Variants in SCIMP observed in about 807,000 individuals in gnomAD.
SCIMP encodes the protein SLP adaptor and CSK interacting membrane protein, also known as SLP adapter and CSK-interacting membrane protein.
A neutral mutation model predicts 22.0 loss-of-function variants in SCIMP; 18 were observed. The observed-to-expected ratio is 0.82, with a 90% CI of 0.56 to 1.21. SCIMP has a LOEUF of 1.21. Among genes scored for constraint, SCIMP ranks in the 50% most tolerant of loss-of-function variants. The pLI is 0.00. For synonymous variants in SCIMP, 53 were observed against 62.2 expected (o/e 0.85, Z 0.70); for missense variants, 155 against 171.2 (o/e 0.91, Z 0.53).
At chr17:5,220,428 T>G in intron 3 of SCIMP, among the ~76,000 whole-genome samples, 1 of 101,572 alleles carries the variant, frequency 9.8e-6, no homozygotes, top group East Asian at 3.3e-4. Flanking sequence ...CAAGACCCCA[T>G]CTCCAAAAAA....
rs2074534053 is a variant in SCIMP at position 5,212,626 on chromosome 17, T to G, written c.284-1671A>C. 5.9e-5 allele frequency among the ~76,000 whole-genome samples: 9 copies of G among 151,926 alleles called. No homozygotes were observed. The South Asian group carries it at 1.7e-3, about 28-fold the overall frequency. ...TCCAGCCTGGGCGACAGACCGAGAC[T>G]CCATCTCAAAAAACAAACAAACAAA... On this transcript the variant is annotated intron_variant, in intron 4 of 4. Coordinates refer to ENST00000574081, the MANE Select transcript of SCIMP (RefSeq NM_207103.3).
rs1260033595 is a variant in SCIMP at position 5,214,771 on chromosome 17, C to T, written c.283+154G>A. 9 of 534,842 alleles carry T rather than the reference C, an allele frequency of 1.7e-5. No individual in the cohort carries two copies. The Admixed American group carries it at 2.2e-4, about 13-fold the overall frequency. 33.1% of individuals were successfully genotyped at this position (534,842 alleles called of 1,614,324 possible). A position where few individuals can be genotyped will look rare whatever the true frequency, so the allele number is the denominator to read the frequency against. ...AGGAGAATGGCATGAACCCGGGAGG[C>T]GGAGCTTGCAGTGAGCCGAGATCGT... is the stretch of plus-strand genomic sequence containing the variant. On this transcript the variant is annotated intron_variant, in intron 4 of 4. Coordinates refer to ENST00000574081, the MANE Select transcript of SCIMP (RefSeq NM_207103.3).
intron 3 of SCIMP, among the ~76,000 whole-genome samples, chr17:5,218,576 G>A (rs530701534): frequency 1.3e-5 from 2 of 152,232 alleles, no homozygotes; most frequent in South Asian, 2.1e-4. Flanking sequence ...CTGACCTCAG[G>A]TGATCTGCCT....
In SCIMP at chr17:5,213,304, T is replaced by G. The variant is rs1191348651; in HGVS notation, c.283+1621A>C. 12 of 947,766 alleles carry G rather than the reference T, an allele frequency of 1.3e-5. No homozygotes were observed. In the African/African-American group the frequency reaches 2.1e-4, roughly 16 times the overall value. The allele number at this position is 947,766 out of a possible 1,614,324, so 58.7% of individuals were successfully genotyped here. A position where few individuals can be genotyped will look rare whatever the true frequency, so the allele number is the denominator to read the frequency against. On this transcript the variant is annotated intron_variant, in intron 4 of 4. Transcript: ENST00000574081. ...ACAGGGTCTCACTCTGTCGTCCAGG[T>G]GCAGTGATGCTATCGTGGCTCACTG...
rs866332747 is a variant in SCIMP at position 5,221,421 on chromosome 17, A to G, written c.146-71T>C. The G allele has an allele frequency of 2.7e-6, 3 of 1,129,750 alleles. No individual in the cohort carries two copies. In the Middle Eastern group the frequency reaches 5.9e-4, roughly 221 times the overall value. 70.0% of individuals were successfully genotyped at this position (1,129,750 alleles called of 1,614,324 possible). On this transcript the variant is annotated intron_variant, in intron 2 of 4. Coordinates refer to ENST00000574081, the MANE Select transcript of SCIMP (RefSeq NM_207103.3). ...TGTGATTTTTTAATTTAACCCAGAG[A>G]AAACACACTTAGGGACACAGTTAAT...
chr17:5,231,595 C>T (rs1410722437), intron 1 of SCIMP, among the ~76,000 whole-genome samples: 1 of 152,084 alleles, frequency 6.6e-6, no homozygotes, highest in Non-Finnish European at 1.5e-5. Context: ...GCACAGATTG[C>T]CGATGTCCTA....
intron 1 of SCIMP, among the ~76,000 whole-genome samples, chr17:5,232,446 T>TGCAGTATAAACAGTGCAGTGTAAACAG (rs1567845231): frequency 6.6e-6 from 1 of 151,650 alleles, no homozygotes; most frequent in African/African-American, 2.4e-5. Context: ...GTGTAAACAG[T>TGCAGTATAAACAGTGCAGTGTAAACAG]TTTACCCACA....
chr17:5,226,593 C>T (rs908451293), intron 1 of SCIMP, among the ~76,000 whole-genome samples: 7 of 150,854 alleles, frequency 4.6e-5, no homozygotes, highest in Non-Finnish European at 8.8e-5. Context: ...GCACCCTCCA[C>T]CTCTCCAGTT....
At chr17:5,226,078 G>A (rs1319635141) in intron 1 of SCIMP, among the ~76,000 whole-genome samples, 1 of 152,156 alleles carries the variant, frequency 6.6e-6, no homozygotes, top group African/African-American at 2.4e-5. Context: ...ACCGCTTGCA[G>A]AGTTTTTCCT....
chr17:5,234,673 G>A (rs368617193), intron 1 of SCIMP, 62 bp downstream of exon 1: 8 of 1,569,276 alleles, frequency 5.1e-6, no homozygotes, highest in Admixed American at 1.7e-5. Context: ...TGATGCCAGC[G>A]CTGGCAGATG....
chr17:5,223,316 G>A lies in SCIMP; in HGVS notation c.145+17C>T, dbSNP rs866674161. 1.2e-6 allele frequency: 2 copies of A among 1,613,096 alleles called. No individual in the cohort carries two copies. Among genetic ancestry groups the A allele is most frequent in the Middle Eastern group, 1.7e-4 (1 of 6,054 alleles). On this transcript the variant is annotated intron_variant, in intron 2 of 4. Transcript: ENST00000574081. ...CCTGGCTCCTCCCTCCACCTGCCTA[G>A]GTAAAATGGCCATTACCTCGTCTAA...
chr17:5,219,949 G>C (rs2074593794), intron 3 of SCIMP, among the ~76,000 whole-genome samples: 1 of 152,166 alleles, frequency 6.6e-6, no homozygotes, highest in South Asian at 2.1e-4. Context: ...TGCAAGCTTT[G>C]CCTGCTTTCT....
chr17:5,217,681 C>T (rs1320978040), intron 3 of SCIMP, among the ~76,000 whole-genome samples: 13 of 150,172 alleles, frequency 8.7e-5, no homozygotes, highest in African/African-American at 2.2e-4. Context: ...TTTGTCCCTG[C>T]GATAGTTTGC....
chr17:5,219,883 A>C (rs1021120929), intron 3 of SCIMP, among the ~76,000 whole-genome samples: 1 of 152,166 alleles, frequency 6.6e-6, no homozygotes, highest in African/African-American at 2.4e-5. Context: ...CTGTTGCCAC[A>C]TATTGTTACT....
intron 4 of SCIMP, chr17:5,213,632 A>T (rs373222020): frequency 6.6e-6 from 1 of 152,208 alleles, no homozygotes; most frequent in East Asian, 1.9e-4. Flanking sequence ...GGATCACTTG[A>T]GGTCAGGAGT....
chr17:5,227,292 A>AACACAC (rs10681110), intron 1 of SCIMP, among the ~76,000 whole-genome samples: 9,160 of 144,224 alleles, frequency 0.064, 347 homozygotes, highest in South Asian at 0.12. Context: ...ACACACACAC[A>AACACAC]ACACACACAC....
rs551158555 is a variant in SCIMP at position 5,231,873 on chromosome 17, T to C, written c.21+2862A>G. Among the ~76,000 whole-genome samples the C allele has an allele frequency of 1.6e-3, 236 of 152,198 alleles. 1 individual carries two copies. The highest frequency in any genetic ancestry group is 5.5e-3 in the African/African-American group (230 of 41,528). Reference sequence around the variant, plus strand: ...ATCAAGACCATCCTGGCTAACACAATGAAACCCTGTCTCTACTTAAAAAAT... The same window carrying C: ...ATCAAGACCATCCTGGCTAACACAACGAAACCCTGTCTCTACTTAAAAAAT... On this transcript the variant is annotated intron_variant, in intron 1 of 4. Transcript: ENST00000574081.
At position 5,219,640 on chromosome 17, in the gene SCIMP, A is replaced by T. The variant is rs146812459; in HGVS notation, c.209+1647T>A. The stretch of plus-strand genomic sequence containing the variant: ...GGGACTCCATCTCGTAAATAAATAA[A>T]TAAAGAGTGTCTTTGTATATCTGGG... On this transcript the variant is annotated intron_variant, in intron 3 of 4. Transcript: ENST00000574081. 9.2e-5 allele frequency among the ~76,000 whole-genome samples: 14 copies of T among 152,240 alleles called. No homozygotes were observed. The East Asian group carries it at 2.7e-3, about 29-fold the overall frequency.
intron 3 of SCIMP, among the ~76,000 whole-genome samples, chr17:5,215,796 C>T (rs532509463): frequency 3.3e-5 from 5 of 152,120 alleles, no homozygotes; most frequent in Non-Finnish European, 5.9e-5. Flanking sequence ...CTGAATTGGA[C>T]ACGACCTGTA....
Sources: gnomAD v4.1 joint callset for allele counts (sites outside exome capture counted in the v4.1 genomes callset) on GRCh38, gnomAD v4.1.1 for gene constraint, MANE v1.5 for transcripts, NCBI Gene and HGNC (gene_info 2026-07-23, HGNC 2026-07-21) for gene names.